The following NOP9 variants were observed in gnomAD, a reference collection of about 807,000 sequenced individuals.
NOP9 encodes the protein NOP9 nucleolar protein.
In NOP9, 50 loss-of-function variants were observed where a neutral mutation model predicts 63.0. The observed-to-expected ratio is 0.79, with a 90% CI of 0.63 to 1.00. The LOEUF (loss-of-function observed/expected upper bound fraction) is 1.00, where lower values mean the gene tolerates loss of function less well. Among genes scored for constraint, NOP9 ranks in the 50% least tolerant of loss-of-function variants. The pLI, the probability that NOP9 is intolerant of heterozygous loss-of-function variation, is 0.00. For synonymous variants in NOP9, 343 were observed against 332.8 expected (o/e 1.03, Z -0.33); for missense variants, 758 against 803.0 (o/e 0.94, Z 0.68).
rs756616389 is a variant in NOP9, at chr14:24,306,179, A to T, written c.*1084A>T. The T allele has an allele frequency of 6.3e-7, 1 of 1,587,226 alleles. No homozygotes were observed. The highest frequency in any genetic ancestry group is 1.1e-5 in the South Asian group (1 of 88,866). ...TCAGTGCAGTAGATCCTCATACCAG[A>T]CACCCACCACTAATCTCCATCAGCA... On this transcript the variant is annotated 3_prime_UTR_variant, in exon 10 of 10. Transcript: ENST00000267425.
At chr14:24,304,656 C>A in intron 9 of NOP9, 58 bp downstream of exon 9, 1 of 1,313,710 alleles carries the variant, frequency 7.6e-7, no homozygotes, top group Non-Finnish European at 1.1e-6. Flanking sequence ...TACTCCAGAT[C>A]ACTGGGTAGC....
In NOP9 at chr14:24,304,959, T is replaced by A. The variant is rs2041453838; in HGVS notation, c.1775T>A (p.Ile592Lys). 9.6e-6 allele frequency: 15 copies of A among 1,569,344 alleles called. No homozygotes were observed. The highest frequency in any genetic ancestry group is 1.4e-5 in the African/African-American group (1 of 72,950). ...AELGEQNQEL[I>K]RDPFGHHVAR... ...GCAGGGGAGCAGAACCAGGAGCTGA[T>A]AAGAGACCCTTTCGGCCACCATGTG... The change falls in exon 10 of 10, where the codon ATA becomes AAA. Residue 592 changes from isoleucine to lysine, a missense_variant. Transcript: ENST00000267425.
rs1465902553 is a variant in NOP9 at position 24,305,769 on chromosome 14, A to T, written c.*674A>T. The T allele has an allele frequency of 6.2e-7, 1 of 1,613,064 alleles. No homozygotes were observed. The highest frequency in any genetic ancestry group is 8.5e-7 in the Non-Finnish European group (1 of 1,179,612). Reference sequence around the variant, plus strand: ...GGAGGTCCAACGAAGGAGCTCCCTGAATGGCAGAGACAAGAGGAAATCAGA... The same window carrying T: ...GGAGGTCCAACGAAGGAGCTCCCTGTATGGCAGAGACAAGAGGAAATCAGA... On this transcript the variant is annotated 3_prime_UTR_variant, in exon 10 of 10. Coordinates refer to ENST00000267425, the MANE Select transcript of NOP9 (RefSeq NM_174913.3).
the NOP9 span, chr14:24,292,019 A>G: frequency 1.1e-6 from 1 of 885,198 alleles, no homozygotes; most frequent in Non-Finnish European, 1.7e-6. Context: ...TGTAGAATGG[A>G]GCTGGTATCT....
Position 24,305,900 on chromosome 14 carries a change from C to G in NOP9, c.*805C>G, listed in dbSNP as rs1398466239. On this transcript the variant is annotated 3_prime_UTR_variant, in exon 10 of 10. Transcript: ENST00000267425. ...GGTGCAAGAGGACGAATTATGGGGA[C>G]TATCCAACTGTAGGGGATGGGGCAG... 1 of 1,592,052 alleles carries G rather than the reference C, an allele frequency of 6.3e-7. No individual in the cohort carries two copies. The highest frequency in any genetic ancestry group is 8.6e-7 in the Non-Finnish European group (1 of 1,166,602).
In NOP9 at chr14:24,308,114, C is replaced by A. The variant is rs1457338606; in HGVS notation, c.*3019C>A. The A allele has an allele frequency of 1.8e-6, 1 of 551,666 alleles. No homozygotes were observed. Among genetic ancestry groups the A allele is most frequent in the African/African-American group, 1.9e-5 (1 of 52,878 alleles). The allele number at this position is 551,666 out of a possible 1,614,324, so 34.2% of individuals were successfully genotyped here. On this transcript the variant is annotated 3_prime_UTR_variant, in exon 10 of 10. Coordinates refer to ENST00000267425, the MANE Select transcript of NOP9 (RefSeq NM_174913.3). Reference sequence around the variant, plus strand: ...AAGCCATTGGAGCTTGTATGTGTGTCTTTGGTGATGACATGTGTTGTGAGG... The same window carrying A: ...AAGCCATTGGAGCTTGTATGTGTGTATTTGGTGATGACATGTGTTGTGAGG...
rs1305012274 is a variant in NOP9 at position 24,306,323 on chromosome 14, G to A, written c.*1228G>A. On this transcript the variant is annotated 3_prime_UTR_variant, in exon 10 of 10. Coordinates refer to ENST00000267425, the MANE Select transcript of NOP9 (RefSeq NM_174913.3). ...GGGTTAAGCTAGAGAGGAAGCCCGG[G>A]AAAGCTCTAAAGGACAGGCATTGGA... The A allele has an allele frequency of 1.2e-6, 2 of 1,609,786 alleles. No homozygotes were observed. The highest frequency in any genetic ancestry group is 1.3e-5 in the African/African-American group (1 of 74,902).
At chr14:24,292,728 C>G in the NOP9 span, 3 of 1,614,042 alleles carry the variant, frequency 1.9e-6, no homozygotes, top group African/African-American at 4.0e-5. Context: ...CACGATGAGC[C>G]CCTGGCCAGC....
upstream of NOP9, chr14:24,296,830 C>T: frequency 6.2e-7 from 1 of 1,614,222 alleles, no homozygotes; most frequent in Non-Finnish European, 8.5e-7. Context: ...ACTTCACTCT[C>T]CTGGCTTGAA....
At position 24,303,089 on chromosome 14, in the gene NOP9, G is replaced by C; in HGVS notation, c.1159G>C (p.Glu387Gln). ...TTPELLSPVF[E>Q]ELSPVLEAVL... is the part of the protein sequence containing the mutation. ...TTCCCATCAGCTGTCCCCTGTGTTT[G>C]AGGAGCTGAGCCCTGTCTTGGAAGC... is the stretch of plus-strand genomic sequence containing the variant. The change falls in exon 6 of 10, where the codon GAG (glutamate) becomes CAG (glutamine). Residue 387 changes from glutamate to glutamine, a missense_variant. Glu to Gln is a conservative substitution (Grantham distance 29, BLOSUM62 2). Transcript: ENST00000267425. 6.5e-7 allele frequency: 1 copy of C among 1,549,718 alleles called. No homozygotes were observed. Among genetic ancestry groups the C allele is most frequent in the South Asian group, 1.2e-5 (1 of 82,324 alleles).
At chr14:24,274,906 C>CTT in the NOP9 span, among the ~76,000 whole-genome samples, 2,100 of 83,552 alleles carry the variant, frequency 0.025, 90 homozygotes, top group East Asian at 0.097. Context: ...CCATGTCCGG[C>CTT]TTTTTTTTTT....
At chr14:24,296,101 G>C (rs1566404304), upstream of NOP9, among the ~76,000 whole-genome samples, 1 of 152,216 alleles carries the variant, frequency 6.6e-6, no homozygotes, top group Non-Finnish European at 1.5e-5. Context: ...TGAGGATGTG[G>C]AGACTAAACA....
At chr14:24,300,379 T>C (rs1278578429) in intron 1 of NOP9, 29 bp from the exon 2 acceptor site, 1 of 1,596,522 alleles carries the variant, frequency 6.3e-7, no homozygotes, top group African/African-American at 1.3e-5. Flanking sequence ...ACTAAGTCTC[T>C]TCAAAGTGTG....
rs2041573047 is a variant in NOP9, at chr14:24,307,985, G to C, written c.*2890G>C. ...CCAGGACAAGGTGGGAATGAGTCAA[G>C]CCTGGACTCTGGCCCCCCTGCCTGG... On this transcript the variant is annotated 3_prime_UTR_variant, in exon 10 of 10. Transcript: ENST00000267425. 2.3e-6 allele frequency: 2 copies of C among 873,714 alleles called. No homozygotes were observed. Among genetic ancestry groups the C allele is most frequent in the Admixed American group, 2.1e-5 (1 of 48,354 alleles). The allele number at this position is 873,714 out of a possible 1,614,324, so 54.1% of individuals were successfully genotyped here.
At chr14:24,278,877 T>C in the NOP9 span, among the ~76,000 whole-genome samples, 4 of 152,016 alleles carry the variant, frequency 2.6e-5, no homozygotes, top group African/African-American at 9.7e-5. Context: ...GAAATCAGGA[T>C]GGTGAGAAGA....
the NOP9 span, among the ~76,000 whole-genome samples, chr14:24,273,442 G>A: frequency 6.6e-6 from 1 of 152,200 alleles, no homozygotes; most frequent in Non-Finnish European, 1.5e-5. Flanking sequence ...GCCTCCCAGA[G>A]TGCTGGGATT....
At chr14:24,286,992 C>T in the NOP9 span, among the ~76,000 whole-genome samples, 3 of 152,110 alleles carry the variant, frequency 2.0e-5, no homozygotes, top group East Asian at 1.9e-4. Flanking sequence ...CGGGTTCAAG[C>T]GATCCTCCTG....
At position 24,300,104 on chromosome 14, in the gene NOP9, T is replaced by C. The variant is rs770234990; in HGVS notation, c.150T>C (p.Ala50=). The C allele has an allele frequency of 1.2e-6, 2 of 1,613,302 alleles. No homozygotes were observed. The highest frequency in any genetic ancestry group is 1.3e-5 in the African/African-American group (1 of 74,910). The change falls in exon 1 of 10, where the codon GCT becomes GCC. Residue 50 remains alanine, a synonymous_variant. Transcript: ENST00000267425. ...WPPPDGRSEP[A]PDSHPHLSPE... ...CTCCGGATGGGCGCTCGGAGCCGGC[T>C]CCAGATTCGCACCCGCACCTGAGCC...
At chr14:24,300,349 GGTA>G in intron 1 of NOP9, 56 bp from the exon 2 acceptor site, 1 of 1,563,764 alleles carries the variant, frequency 6.4e-7, no homozygotes, top group Non-Finnish European at 8.7e-7. Flanking sequence ...GTTAAGCGAG[GGTA>G]CATAACTGTA....
Sources: gnomAD v4.1 joint callset for allele counts (sites outside exome capture counted in the v4.1 genomes callset) on GRCh38, gnomAD v4.1.1 for gene constraint, MANE v1.5 for transcripts, NCBI Gene and HGNC (gene_info 2026-07-23, HGNC 2026-07-21) for gene names.